Variants in TAOK1 observed in about 807,000 individuals in gnomAD.
TAOK1 encodes serine/threonine-protein kinase TAO1.
Under a neutral mutation model 138.3 loss-of-function variants are expected in TAOK1, and 21 were observed. The ratio of observed to expected loss-of-function variants is 0.15; its 90% CI spans 0.11 to 0.22. The LOEUF (loss-of-function observed/expected upper bound fraction) is 0.22, where lower values mean the gene tolerates loss of function less well. TAOK1 is among the 10% of genes least tolerant of loss of function. TAOK1 has a pLI of 1.00. For synonymous variants in TAOK1, 361 were observed against 398.4 expected (o/e 0.91, Z 1.12); for missense variants, 651 against 1,227.7 (o/e 0.53, Z 7.02).
At chr17:29,523,410 C>T (rs1662600) in intron 17 of TAOK1, among the ~76,000 whole-genome samples, 53,839 of 152,010 alleles carry the variant, frequency 0.35, 11,412 homozygotes, top group Non-Finnish European at 0.48. Flanking sequence ...GTTTTTGAGA[C>T]AGAGTCTCGC....
chr17:29,482,629 T>C (rs1245308965), intron 8 of TAOK1, among the ~76,000 whole-genome samples: 1 of 152,146 alleles, frequency 6.6e-6, no homozygotes, highest in Non-Finnish European at 1.5e-5. Context: ...TGTAAGCCAT[T>C]CATAACTAGC....
intron 2 of TAOK1, among the ~76,000 whole-genome samples, chr17:29,465,634 A>T (rs2030643938): frequency 6.6e-6 from 1 of 152,080 alleles, no homozygotes; most frequent in African/African-American, 2.4e-5. Context: ...GTTTTAGAAC[A>T]TTTTGTCTTT....
rs2032185031 is a variant in TAOK1 at position 29,534,276 on chromosome 17, C to G, written c.2520C>G (p.Leu840=). The G allele has an allele frequency of 6.2e-7, 1 of 1,604,396 alleles. No homozygotes were observed. Among genetic ancestry groups the G allele is most frequent in the Non-Finnish European group, 8.5e-7 (1 of 1,176,400 alleles). ...GCGAGCTTGAACAGAGGGTCTCCCTCCGGAGGGCACTCTTAGAACAAAAGG... is the reference window on the plus strand; with the variant it reads ...GCGAGCTTGAACAGAGGGTCTCCCTGCGGAGGGCACTCTTAGAACAAAAGG... ...ELRELEQRVS[L]RRALLEQKIE... The change falls in exon 19 of 20, where the codon CTC becomes CTG. Residue 840 remains leucine (L), a synonymous_variant. Transcript: ENST00000261716.
At chr17:29,451,115 T>C (rs2030223525) in intron 1 of TAOK1, among the ~76,000 whole-genome samples, 1 of 152,228 alleles carries the variant, frequency 6.6e-6, no homozygotes, top group Admixed American at 6.5e-5. Flanking sequence ...CATCTTGCGT[T>C]ATTGTGTATT....
At chr17:29,487,642 T>A (rs2031201300) in intron 8 of TAOK1, among the ~76,000 whole-genome samples, 1 of 152,178 alleles carries the variant, frequency 6.6e-6, no homozygotes. Flanking sequence ...AATGGGGCCA[T>A]GTCCAAAAGA....
intron 2 of TAOK1, among the ~76,000 whole-genome samples, chr17:29,458,852 G>T (rs1327803987): frequency 6.6e-6 from 1 of 151,994 alleles, no homozygotes; most frequent in Non-Finnish European, 1.5e-5. Flanking sequence ...GCGCCACCAC[G>T]CCCAGGTAAT....
At chr17:29,440,775 C>G (rs985888207) in intron 1 of TAOK1, among the ~76,000 whole-genome samples, 5 of 152,008 alleles carry the variant, frequency 3.3e-5, no homozygotes. Flanking sequence ...GAGGTTTCAC[C>G]ATGTTGGTCA....
chr17:29,488,064 G>A (rs953279722), intron 8 of TAOK1, among the ~76,000 whole-genome samples: 1 of 152,092 alleles, frequency 6.6e-6, no homozygotes, highest in Non-Finnish European at 1.5e-5. Context: ...TCAAACTGAG[G>A]GACATTCAGG....
intron 1 of TAOK1, among the ~76,000 whole-genome samples, chr17:29,409,331 A>ATTT (rs1186189891): frequency 1.5e-3 from 92 of 60,286 alleles, no homozygotes; most frequent in Non-Finnish European, 2.2e-3. Context: ...ATATATATAT[A>ATTT]TATTTTTTTT....
rs1385410182 is a variant in TAOK1, at chr17:29,414,655, C to G, written c.-95+23631C>G. Among the ~76,000 whole-genome samples the G allele has an allele frequency of 2.0e-5, 3 of 152,228 alleles. No homozygotes were observed. The East Asian group carries it at 5.8e-4, about 29-fold the overall frequency. ...CATTGCAACCTCCGCCTCCCGGGTT[C>G]AAGCGATTCTCCTGCCTCAGCCTCC... On this transcript the variant is annotated intron_variant, in intron 1 of 19. Coordinates refer to ENST00000261716, the MANE Select transcript of TAOK1 (RefSeq NM_020791.4).
At chr17:29,412,710 G>A (rs1292641122) in intron 1 of TAOK1, among the ~76,000 whole-genome samples, 6 of 152,182 alleles carry the variant, frequency 3.9e-5, no homozygotes, top group Non-Finnish European at 8.8e-5. Context: ...TTCTTTAAGT[G>A]TTGGATAGCA....
chr17:29,453,452 T>C (rs1020982111), intron 2 of TAOK1, among the ~76,000 whole-genome samples: 4 of 152,206 alleles, frequency 2.6e-5, no homozygotes, highest in Non-Finnish European at 5.9e-5. Flanking sequence ...GGTTTTGCCA[T>C]GTTGGCCAGG....
At chr17:29,406,126 G>A (rs1904984363) in intron 1 of TAOK1, among the ~76,000 whole-genome samples, 1 of 152,102 alleles carries the variant, frequency 6.6e-6, no homozygotes, top group Non-Finnish European at 1.5e-5. Context: ...CATTGTTGGG[G>A]GGATCTGTGC....
At chr17:29,448,729 G>C (rs1381097860) in intron 1 of TAOK1, among the ~76,000 whole-genome samples, 1 of 152,128 alleles carries the variant, frequency 6.6e-6, no homozygotes, top group African/African-American at 2.4e-5. Flanking sequence ...AGTATTTGTG[G>C]AAGTGAAATC....
chr17:29,475,531 C>T, intron 3 of TAOK1, 139 bp from the exon 4 acceptor site: 1 of 601,594 alleles, frequency 1.7e-6, no homozygotes, highest in Non-Finnish European at 2.9e-6. Context: ...AAGAGCAAGA[C>T]CCTCCCAATA....
intron 18 of TAOK1, among the ~76,000 whole-genome samples, chr17:29,533,465 G>C (rs572867431): frequency 1.3e-5 from 2 of 151,870 alleles, no homozygotes. Context: ...CTGCAATCTC[G>C]GCACTTTGGG....
chr17:29,537,434 C>A (rs996687717), intron 19 of TAOK1, among the ~76,000 whole-genome samples: 3 of 151,730 alleles, frequency 2.0e-5, no homozygotes, highest in African/African-American at 7.3e-5. Flanking sequence ...ACTGCGTTCT[C>A]CATTTCCCAA....
intron 8 of TAOK1, among the ~76,000 whole-genome samples, chr17:29,485,123 T>C (rs142374533): frequency 6.6e-6 from 1 of 152,308 alleles, no homozygotes; most frequent in Admixed American, 6.5e-5. Flanking sequence ...GGTTATGTCT[T>C]AATACCAAGA....
chr17:29,519,451 G>A (rs1346904080), intron 16 of TAOK1, among the ~76,000 whole-genome samples: 1 of 152,012 alleles, frequency 6.6e-6, no homozygotes, highest in African/African-American at 2.4e-5. Context: ...CCCAAGAGGC[G>A]GAGGTTGCAG....
Sources: gnomAD v4.1 joint callset for allele counts (sites outside exome capture counted in the v4.1 genomes callset) on GRCh38, gnomAD v4.1.1 for gene constraint, MANE v1.5 for transcripts, NCBI Gene and HGNC (gene_info 2026-07-23, HGNC 2026-07-21) for gene names.